The following PAPPA2 variants were observed in gnomAD, a reference collection of about 807,000 sequenced individuals.
The protein encoded by PAPPA2 is pappalysin 2.
PAPPA2 carries 86 observed loss-of-function variants against 176.4 expected under a neutral mutation model. The observed-to-expected ratio is 0.49, with a 90% CI of 0.41 to 0.58. PAPPA2 has a LOEUF of 0.58. Among genes scored for constraint, PAPPA2 ranks in the 20% least tolerant of loss-of-function variants. The pLI is 0.00. For missense variants in PAPPA2, 2,073 were observed against 2,256.9 expected, an observed-to-expected ratio of 0.92 and a Z score of 1.65; for synonymous variants, 809 against 852.2, an observed-to-expected ratio of 0.95 and a Z score of 0.88.
At chr1:176,467,281 T>G (rs1237317458) in intron 1 of PAPPA2, among the ~76,000 whole-genome samples, 1 of 152,224 alleles carries the variant, frequency 6.6e-6, no homozygotes, top group Non-Finnish European at 1.5e-5. Context: ...TGCAGTCCGT[T>G]GTTGACAGAA....
chr1:176,711,775 T>G, intron 11 of PAPPA2, 60 bp from the exon 12 acceptor site: 1 of 1,526,714 alleles, frequency 6.6e-7, no homozygotes, highest in Non-Finnish European at 9.0e-7. Flanking sequence ...AGAGTTTCAT[T>G]GTCCTTACTT....
Position 176,575,832 on chromosome 1 carries a change from G to C in PAPPA2, c.919+18591G>C, listed in dbSNP as rs61081965. On this transcript the variant is annotated intron_variant, in intron 2 of 22. Coordinates refer to ENST00000367662, the MANE Select transcript of PAPPA2 (RefSeq NM_020318.3). Reference sequence around the variant, plus strand: ...TAAAAAATACTTTTCCTGTAAATCTGTACTTAGGAAATTAACACCTATTTA... The same window carrying C: ...TAAAAAATACTTTTCCTGTAAATCTCTACTTAGGAAATTAACACCTATTTA... 6.3e-3 allele frequency among the ~76,000 whole-genome samples: 952 copies of C among 152,288 alleles called. 10 individuals carry two copies. The highest frequency in any genetic ancestry group is 0.022 in the African/African-American group (895 of 41,562).
At chr1:176,466,672 G>T (rs1036208091) in intron 1 of PAPPA2, among the ~76,000 whole-genome samples, 1 of 152,096 alleles carries the variant, frequency 6.6e-6, no homozygotes, top group Non-Finnish European at 1.5e-5. Context: ...AGGTATGAAG[G>T]CTTTCTAGGT....
intron 21 of PAPPA2, among the ~76,000 whole-genome samples, chr1:176,827,311 A>G (rs529735975): frequency 6.6e-6 from 1 of 152,342 alleles, no homozygotes; most frequent in Admixed American, 6.5e-5. Context: ...TATTGTCTTC[A>G]GAATACAGAT....
At chr1:176,689,633 G>T (rs976186795) in intron 4 of PAPPA2, among the ~76,000 whole-genome samples, 2 of 152,182 alleles carry the variant, frequency 1.3e-5, no homozygotes, top group Admixed American at 1.3e-4. Context: ...TAAGACGGCT[G>T]TTCAAGTCCT....
chr1:176,467,339 TCTC>T (rs1013753394), intron 1 of PAPPA2, among the ~76,000 whole-genome samples: 23 of 152,360 alleles, frequency 1.5e-4, no homozygotes, highest in African/African-American at 5.3e-4. Context: ...GAGGAGCTTT[TCTC>T]CTCCTTTTCT....
At chr1:176,742,382 T>C (rs1399135270) in intron 14 of PAPPA2, among the ~76,000 whole-genome samples, 2 of 152,160 alleles carry the variant, frequency 1.3e-5, no homozygotes, top group Non-Finnish European at 2.9e-5. Flanking sequence ...CTGTGAAGTC[T>C]CAACAAAGAA....
chr1:176,605,530 T>C (rs1318874887), intron 3 of PAPPA2, among the ~76,000 whole-genome samples: 1 of 152,250 alleles, frequency 6.6e-6, no homozygotes, highest in Non-Finnish European at 1.5e-5. Context: ...TGCTCCCTTA[T>C]AGCTTTAGTT....
intron 4 of PAPPA2, among the ~76,000 whole-genome samples, chr1:176,678,261 TCC>T (rs1230808254): frequency 1.1e-4 from 16 of 152,274 alleles, no homozygotes; most frequent in Admixed American, 7.9e-4. Flanking sequence ...CACCTAAACA[TCC>T]AATAATAGGT....
At chr1:176,799,926 T>C (rs1186278054) in intron 20 of PAPPA2, 135 bp from the exon 21 acceptor site, 1 of 856,370 alleles carries the variant, frequency 1.2e-6, no homozygotes, top group Non-Finnish European at 1.9e-6. Flanking sequence ...CCCAATCCAC[T>C]TTATGGGACA....
chr1:176,567,160 A>T (rs1031701305), intron 2 of PAPPA2, among the ~76,000 whole-genome samples: 6 of 152,238 alleles, frequency 3.9e-5, no homozygotes, highest in African/African-American at 1.4e-4. Flanking sequence ...GTCTCAAAAC[A>T]ACCTTCCTTT....
chr1:176,734,789 T>C (rs918826932), intron 12 of PAPPA2, among the ~76,000 whole-genome samples: 3 of 152,124 alleles, frequency 2.0e-5, no homozygotes, highest in African/African-American at 7.2e-5. Flanking sequence ...AGTAATGTGG[T>C]TCAATCAATA....
chr1:176,767,546 C>T (rs535291774), intron 15 of PAPPA2, among the ~76,000 whole-genome samples: 1 of 152,280 alleles, frequency 6.6e-6, no homozygotes, highest in East Asian at 1.9e-4. Flanking sequence ...CGGGGTTTCA[C>T]CATGTCAGCC....
At chr1:176,658,812 A>G (rs1211400150) in intron 3 of PAPPA2, among the ~76,000 whole-genome samples, 1 of 152,064 alleles carries the variant, frequency 6.6e-6, no homozygotes, top group Non-Finnish European at 1.5e-5. Context: ...TGGGGTATCA[A>G]GAGTAAACAG....
chr1:176,665,329 A>G (rs999928470), intron 3 of PAPPA2, among the ~76,000 whole-genome samples: 1 of 152,108 alleles, frequency 6.6e-6, no homozygotes, highest in African/African-American at 2.4e-5. Context: ...TTACCATTGG[A>G]CACTGGCAAT....
chr1:176,822,754 G>A (rs561524954), intron 21 of PAPPA2, among the ~76,000 whole-genome samples: 1 of 152,204 alleles, frequency 6.6e-6, no homozygotes, highest in African/African-American at 2.4e-5. Context: ...GTCTTAGAAG[G>A]CCTTTCTAAT....
At chr1:176,691,736 A>G (rs1401832147) in intron 5 of PAPPA2, among the ~76,000 whole-genome samples, 1 of 152,170 alleles carries the variant, frequency 6.6e-6, no homozygotes, top group East Asian at 1.9e-4. Flanking sequence ...AATACTCACT[A>G]ACCTCTGCCA....
chr1:176,528,702 C>A (rs1305112978), intron 1 of PAPPA2, among the ~76,000 whole-genome samples: 2 of 152,326 alleles, frequency 1.3e-5, no homozygotes, highest in East Asian at 3.9e-4. Context: ...CTTAGTCTCA[C>A]ATTCAAGACT....
At chr1:176,513,460 A>G (rs527623824) in intron 1 of PAPPA2, among the ~76,000 whole-genome samples, 3 of 151,956 alleles carry the variant, frequency 2.0e-5, no homozygotes, top group African/African-American at 7.2e-5. Flanking sequence ...CCTTCCTCTG[A>G]TCTTCCCTCC....
Sources: gnomAD v4.1 joint callset for allele counts (sites outside exome capture counted in the v4.1 genomes callset) on GRCh38, gnomAD v4.1.1 for gene constraint, MANE v1.5 for transcripts, NCBI Gene and HGNC (gene_info 2026-07-23, HGNC 2026-07-21) for gene names.